Variants in LUZP2 observed in about 807,000 individuals in gnomAD.
LUZP2 encodes the protein leucine zipper protein 2.
In LUZP2, 52 loss-of-function variants were observed where a neutral mutation model predicts 51.6. The observed-to-expected ratio is 1.01, with a 90% confidence interval of 0.81 to 1.27. The LOEUF is 1.27. LUZP2 is among the 50% of genes most tolerant of loss of function. LUZP2 has a pLI of 0.00. For missense variants in LUZP2, 436 were observed against 395.4 expected (o/e 1.10, Z -0.87); for synonymous variants, 154 against 137.3 (o/e 1.12, Z -0.85).
intron 1 of LUZP2, among the ~76,000 whole-genome samples, chr11:24,523,865 G>C (rs985939200): frequency 6.6e-5 from 10 of 151,506 alleles, no homozygotes; most frequent in African/African-American, 2.2e-4. Context: ...AAAATGAAAT[G>C]TTATTTTTAT....
intron 10 of LUZP2, among the ~76,000 whole-genome samples, chr11:25,072,492 T>G (rs2028859): frequency 0.97 from 147,788 of 152,176 alleles, 71,913 homozygotes; most frequent in East Asian, 1. Context: ...AGATTGTCTA[T>G]ATTTCATTTG....
intron 1 of LUZP2, among the ~76,000 whole-genome samples, chr11:24,642,221 C>G (rs1315092087): frequency 1.3e-5 from 2 of 151,776 alleles, no homozygotes; most frequent in African/African-American, 4.9e-5. Flanking sequence ...GGATTTTTAG[C>G]TAATAAACGT....
chr11:24,963,557 G>C lies in LUZP2; in HGVS notation c.523-13034G>C, dbSNP rs190811465. The stretch of plus-strand genomic sequence containing the variant: ...AACCAGCGAGACTCCGTGGGCATAG[G>C]ACCCTCCGAGCCATGTGCGGGATAT... On this transcript the variant is annotated intron_variant, in intron 7 of 11. Coordinates refer to ENST00000336930, the MANE Select transcript of LUZP2 (RefSeq NM_001009909.4). Among the ~76,000 whole-genome samples the C allele has an allele frequency of 1.7e-3, 262 of 152,182 alleles. 4 individuals carry two copies. The highest frequency in any genetic ancestry group is 4.9e-3 in the East Asian group (25 of 5,112).
rs377211159 is a variant in LUZP2, at chr11:24,658,266, T to A, written c.63-70903T>A. 7.0e-4 allele frequency among the ~76,000 whole-genome samples: 106 copies of A among 152,244 alleles called. 3 individuals carry two copies. The South Asian group carries it at 0.015, about 21-fold the overall frequency. ...AACAGAACACAGCCCTCAGAAATAATGCCGCCTATCTACAACTATCTGATC... is the reference window on the plus strand; with the variant it reads ...AACAGAACACAGCCCTCAGAAATAAAGCCGCCTATCTACAACTATCTGATC... On this transcript the variant is annotated intron_variant, in intron 1 of 11. Coordinates refer to ENST00000336930, the MANE Select transcript of LUZP2 (RefSeq NM_001009909.4).
chr11:24,736,656 T>C (rs1858951624), intron 3 of LUZP2, among the ~76,000 whole-genome samples: 1 of 151,958 alleles, frequency 6.6e-6, no homozygotes, highest in Non-Finnish European at 1.5e-5. Flanking sequence ...TACAAAAGTG[T>C]CTTGCACATT....
chr11:24,939,674 A>G (rs928501698), intron 7 of LUZP2, among the ~76,000 whole-genome samples: 6 of 152,190 alleles, frequency 3.9e-5, no homozygotes, highest in Admixed American at 6.5e-5. Flanking sequence ...ATAAATTGTC[A>G]TAGAAACTTG....
intron 9 of LUZP2, among the ~76,000 whole-genome samples, chr11:25,030,120 T>C (rs1377463169): frequency 6.6e-6 from 1 of 152,184 alleles, no homozygotes; most frequent in Non-Finnish European, 1.5e-5. Flanking sequence ...TTTGCATATT[T>C]GTGTGCATTT....
At chr11:24,672,870 A>G (rs1247867353) in intron 1 of LUZP2, among the ~76,000 whole-genome samples, 15 of 152,182 alleles carry the variant, frequency 9.9e-5, no homozygotes, top group Admixed American at 9.8e-4. Context: ...CCTGTTAGGA[A>G]CCAGGCTGCA....
chr11:24,897,897 T>C (rs1158274336), intron 5 of LUZP2, among the ~76,000 whole-genome samples: 1 of 152,218 alleles, frequency 6.6e-6, no homozygotes, highest in Non-Finnish European at 1.5e-5. Flanking sequence ...TGCCTTGCCT[T>C]TAACATGGAT....
chr11:25,016,724 G>T (rs961357267), intron 9 of LUZP2, among the ~76,000 whole-genome samples: 2 of 152,048 alleles, frequency 1.3e-5, no homozygotes, highest in Admixed American at 1.3e-4. Flanking sequence ...AAATTGTGCT[G>T]CTATAAACGT....
chr11:24,962,454 T>G (rs1275042224), intron 7 of LUZP2, among the ~76,000 whole-genome samples: 6 of 152,154 alleles, frequency 3.9e-5, no homozygotes, highest in African/African-American at 1.2e-4. Context: ...CTTGGAGGCT[T>G]TGTTCATTTC....
At chr11:24,871,542 C>T (rs781470418) in intron 5 of LUZP2, among the ~76,000 whole-genome samples, 2 of 151,998 alleles carry the variant, frequency 1.3e-5, no homozygotes, top group Admixed American at 6.6e-5. Context: ...TTTCCAGGGA[C>T]CCTGAGTTCT....
intron 1 of LUZP2, among the ~76,000 whole-genome samples, chr11:24,666,529 T>C (rs1243037903): frequency 6.6e-6 from 1 of 152,070 alleles, no homozygotes; most frequent in Admixed American, 6.5e-5. Context: ...CCATTGAAAA[T>C]AGCTCCTGAG....
At chr11:24,566,091 G>A (rs11529784) in intron 1 of LUZP2, among the ~76,000 whole-genome samples, 33,649 of 151,278 alleles carry the variant, frequency 0.22, 4,698 homozygotes, top group East Asian at 0.6. Flanking sequence ...GAAAAAATGC[G>A]ACCCATGCAC....
At chr11:25,041,588 TTATA>T (rs2134007124) in intron 9 of LUZP2, among the ~76,000 whole-genome samples, 1 of 152,320 alleles carries the variant, frequency 6.6e-6, no homozygotes, top group African/African-American at 2.4e-5. Context: ...TATGAATTGA[TTATA>T]TACGTATATA....
intron 9 of LUZP2, among the ~76,000 whole-genome samples, chr11:25,002,398 C>A (rs1329390300): frequency 1.3e-5 from 2 of 152,190 alleles, no homozygotes; most frequent in African/African-American, 4.8e-5. Context: ...GTTCCCCATC[C>A]TCTGGGAGAA....
intron 5 of LUZP2, among the ~76,000 whole-genome samples, chr11:24,794,784 A>G (rs944013119): frequency 7.9e-5 from 12 of 152,144 alleles, no homozygotes; most frequent in Admixed American, 1.3e-4. Flanking sequence ...GAAGTGTGGT[A>G]TTAAAAAATG....
intron 7 of LUZP2, among the ~76,000 whole-genome samples, chr11:24,963,884 A>C (rs1254184155): frequency 4.6e-5 from 7 of 152,206 alleles, no homozygotes; most frequent in Non-Finnish European, 1.0e-4. Flanking sequence ...TGTAGACCGG[A>C]GCTGTTCCTA....
At chr11:24,850,910 G>A (rs1194209460) in intron 5 of LUZP2, among the ~76,000 whole-genome samples, 3 of 152,030 alleles carry the variant, frequency 2.0e-5, no homozygotes, top group Admixed American at 1.3e-4. Flanking sequence ...CTCATGATTT[G>A]GCTCTCTATT....
Sources: gnomAD v4.1 joint callset for allele counts (sites outside exome capture counted in the v4.1 genomes callset) on GRCh38, gnomAD v4.1.1 for gene constraint, MANE v1.5 for transcripts, NCBI Gene and HGNC (gene_info 2026-07-23, HGNC 2026-07-21) for gene names.